The following ATRNL1 variants were observed in gnomAD, a reference collection of about 807,000 sequenced individuals.
ATRNL1 encodes the protein attractin-like protein 1.
ATRNL1 carries 95 observed loss-of-function variants against 182.7 expected under a neutral mutation model. The ratio of observed to expected loss-of-function variants is 0.52; its 90% CI spans 0.44 to 0.62. The LOEUF is 0.62. ATRNL1 is among the 20% of genes least tolerant of loss of function. ATRNL1 has a pLI of 0.00. For synonymous variants in ATRNL1, 576 were observed against 568.3 expected (o/e 1.01, Z -0.19); for missense variants, 1,471 against 1,679.5 (o/e 0.88, Z 2.17).
intron 26 of ATRNL1, among the ~76,000 whole-genome samples, chr10:115,719,245 T>C (rs1476007539): frequency 6.6e-6 from 1 of 152,140 alleles, no homozygotes; most frequent in Non-Finnish European, 1.5e-5. Flanking sequence ...TACAGAAAAA[T>C]ATTTTCTTAT....
At chr10:115,365,321 G>A (rs1856974883) in intron 19 of ATRNL1, among the ~76,000 whole-genome samples, 1 of 151,574 alleles carries the variant, frequency 6.6e-6, no homozygotes, top group South Asian at 2.1e-4. Flanking sequence ...GGTGTTTGTA[G>A]TATTCTCTGA....
intron 13 of ATRNL1, among the ~76,000 whole-genome samples, chr10:115,280,310 A>G (rs555099630): frequency 1.3e-5 from 2 of 152,340 alleles, no homozygotes; most frequent in East Asian, 3.9e-4. Flanking sequence ...CATATCCAAC[A>G]TTCAGTTACG....
chr10:115,252,404 T>C (rs1441240524), intron 10 of ATRNL1, among the ~76,000 whole-genome samples: 1 of 152,184 alleles, frequency 6.6e-6, no homozygotes, highest in Non-Finnish European at 1.5e-5. Context: ...TGAGTTATGT[T>C]GATACCCAAC....
intron 2 of ATRNL1, 118 bp downstream of exon 2, chr10:115,120,386 A>T: frequency 1.9e-6 from 1 of 515,074 alleles, no homozygotes; most frequent in Non-Finnish European, 3.3e-6. Context: ...TTATTATTAG[A>T]TAATATTTAC....
At chr10:115,216,020 A>G in intron 9 of ATRNL1, 140 bp downstream of exon 9, 3 of 604,314 alleles carry the variant, frequency 5.0e-6, no homozygotes, top group Non-Finnish European at 7.8e-6. Flanking sequence ...TCAGATGAGT[A>G]ATTTTGTTTA....
intron 15 of ATRNL1, among the ~76,000 whole-genome samples, chr10:115,291,540 T>C (rs895705130): frequency 1.3e-5 from 2 of 152,196 alleles, no homozygotes; most frequent in Non-Finnish European, 2.9e-5. Flanking sequence ...GTAATTCCTA[T>C]GTAAATACCT....
intron 27 of ATRNL1, among the ~76,000 whole-genome samples, chr10:115,809,049 G>A (rs12784311): frequency 0.48 from 73,426 of 151,540 alleles, 18,938 homozygotes; most frequent in East Asian, 0.75. Flanking sequence ...GATAAGGGCT[G>A]AAGGTTTTTT....
chr10:115,485,792 G>C (rs1287080024), intron 24 of ATRNL1, among the ~76,000 whole-genome samples: 1 of 151,958 alleles, frequency 6.6e-6, no homozygotes, highest in Non-Finnish European at 1.5e-5. Flanking sequence ...TGTGCAGAAT[G>C]TGCAGGTTTG....
intron 26 of ATRNL1, among the ~76,000 whole-genome samples, chr10:115,587,544 T>A (rs1555010541): frequency 6.7e-6 from 1 of 150,342 alleles, no homozygotes; most frequent in African/African-American, 2.4e-5. Flanking sequence ...TGTCACCCCT[T>A]TCTTCGACTA....
At chr10:115,371,684 A>T (rs782148247) in intron 19 of ATRNL1, among the ~76,000 whole-genome samples, 1 of 152,222 alleles carries the variant, frequency 6.6e-6, no homozygotes, top group Non-Finnish European at 1.5e-5. Context: ...CATAGACAGA[A>T]GGGACTCTCC....
chr10:115,733,544 A>G (rs2134077867), intron 27 of ATRNL1, among the ~76,000 whole-genome samples: 1 of 152,270 alleles, frequency 6.6e-6, no homozygotes, highest in East Asian at 1.9e-4. Flanking sequence ...GCATTGTTCA[A>G]GTCTAAGGCA....
chr10:115,822,147 A>G lies in ATRNL1; in HGVS notation c.3904-25730A>G, dbSNP rs575283084. The stretch of plus-strand genomic sequence containing the variant: ...AACTCACTCAAAACCGCACAACTAC[A>G]TAGAAATTGAGCAACCTGCTCTGGA... On this transcript the variant is annotated intron_variant, in intron 27 of 28. Coordinates refer to ENST00000355044, the MANE Select transcript of ATRNL1 (RefSeq NM_207303.4). 7.2e-5 allele frequency among the ~76,000 whole-genome samples: 11 copies of G among 152,362 alleles called. 1 individual carries two copies. In the South Asian group the frequency reaches 2.3e-3, roughly 32 times the overall value.
intron 21 of ATRNL1, among the ~76,000 whole-genome samples, chr10:115,432,792 T>C (rs1371731856): frequency 2.0e-5 from 3 of 152,068 alleles, no homozygotes; most frequent in African/African-American, 7.2e-5. Flanking sequence ...AAAGTAGTAG[T>C]CACAAAGTAT....
At chr10:115,763,087 A>G (rs1948772002) in intron 27 of ATRNL1, among the ~76,000 whole-genome samples, 1 of 152,138 alleles carries the variant, frequency 6.6e-6, no homozygotes. Context: ...ATATACTCAG[A>G]TTCTTATCAG....
At chr10:115,446,399 C>G (rs560584818) in intron 21 of ATRNL1, among the ~76,000 whole-genome samples, 1 of 152,010 alleles carries the variant, frequency 6.6e-6, no homozygotes, top group Non-Finnish European at 1.5e-5. Context: ...TTATTTAGCT[C>G]TCTTTTTATT....
chr10:115,621,295 A>G (rs1857749709), intron 26 of ATRNL1, among the ~76,000 whole-genome samples: 1 of 130,902 alleles, frequency 7.6e-6, no homozygotes, highest in Non-Finnish European at 1.6e-5. Flanking sequence ...AGAGAGAGAG[A>G]GAGAGAGAGA....
chr10:115,191,888 A>G (rs1287320221), intron 8 of ATRNL1, among the ~76,000 whole-genome samples: 2 of 152,038 alleles, frequency 1.3e-5, no homozygotes, highest in Admixed American at 6.6e-5. Context: ...GGCTAATAAC[A>G]TATGTTGTCT....
chr10:115,572,013 A>G (rs1555003639), intron 26 of ATRNL1, among the ~76,000 whole-genome samples: 3 of 152,122 alleles, frequency 2.0e-5, no homozygotes, highest in Non-Finnish European at 4.4e-5. Context: ...GTGAAGAAAA[A>G]GGGAAATATA....
intron 18 of ATRNL1, among the ~76,000 whole-genome samples, chr10:115,327,135 G>A (rs574826509): frequency 1.1e-4 from 17 of 151,796 alleles, no homozygotes; most frequent in Non-Finnish European, 2.2e-4. Flanking sequence ...ACTACCATCA[G>A]AGTGAACAGG....
Sources: gnomAD v4.1 joint callset for allele counts (sites outside exome capture counted in the v4.1 genomes callset) on GRCh38, gnomAD v4.1.1 for gene constraint, MANE v1.5 for transcripts, NCBI Gene and HGNC (gene_info 2026-07-23, HGNC 2026-07-21) for gene names.